SPOCK3: variants seen among roughly 807,000 people sequenced by gnomAD.
SPOCK3 encodes the protein testican-3.
Under a neutral mutation model 56.6 loss-of-function variants are expected in SPOCK3, and 30 were observed. The observed-to-expected ratio is 0.53, with a 90% CI of 0.40 to 0.72. SPOCK3 has a LOEUF of 0.72. SPOCK3 is among the 30% of genes least tolerant of loss of function. The probability of loss-of-function intolerance (pLI) is 0.00; values close to 1 mark genes in which losing one functional copy is unlikely to be tolerated. For missense variants in SPOCK3, 527 were observed against 530.0 expected (o/e 0.99, Z 0.06); for synonymous variants, 196 against 183.3 (o/e 1.07, Z -0.56).
chr4:167,202,985 C>A (rs957293363), intron 2 of SPOCK3, among the ~76,000 whole-genome samples: 1 of 151,572 alleles, frequency 6.6e-6, no homozygotes, highest in Non-Finnish European at 1.5e-5. Context: ...AAATAATAAT[C>A]ATGTTCTTTT....
At chr4:166,775,759 C>G (rs1318877824) in intron 7 of SPOCK3, among the ~76,000 whole-genome samples, 1 of 152,146 alleles carries the variant, frequency 6.6e-6, no homozygotes, top group Admixed American at 6.6e-5. Context: ...TCCTGAATGG[C>G]TGTGGCAATG....
At chr4:166,903,965 T>C (rs1232155614) in intron 5 of SPOCK3, among the ~76,000 whole-genome samples, 2 of 152,030 alleles carry the variant, frequency 1.3e-5, no homozygotes, top group Non-Finnish European at 2.9e-5. Flanking sequence ...TATAGATAGA[T>C]ACAATATATG....
At chr4:167,170,335 C>T (rs754237244) in intron 2 of SPOCK3, among the ~76,000 whole-genome samples, 7 of 152,082 alleles carry the variant, frequency 4.6e-5, no homozygotes, top group African/African-American at 1.5e-4. Context: ...AGCAACTCAA[C>T]TTAAAAGCGC....
chr4:167,195,392 A>G (rs1732843736), intron 2 of SPOCK3, among the ~76,000 whole-genome samples: 1 of 152,146 alleles, frequency 6.6e-6, no homozygotes, highest in South Asian at 2.1e-4. Context: ...GTCACCATGG[A>G]TGTGTTCCCA....
intron 3 of SPOCK3, among the ~76,000 whole-genome samples, chr4:167,025,414 T>G (rs2150170275): frequency 6.6e-6 from 1 of 152,176 alleles, no homozygotes; most frequent in Admixed American, 6.6e-5. Flanking sequence ...ACACTATACC[T>G]GTGGCCTTAA....
chr4:166,747,280 T>C (rs1735758386), intron 8 of SPOCK3, among the ~76,000 whole-genome samples: 4 of 152,152 alleles, frequency 2.6e-5, no homozygotes. Context: ...AAAGAGCTTA[T>C]CCACCATGAT....
chr4:166,764,190 A>C (rs550991595), intron 7 of SPOCK3, among the ~76,000 whole-genome samples: 3 of 151,790 alleles, frequency 2.0e-5, no homozygotes, highest in Admixed American at 6.6e-5. Flanking sequence ...GGGAGAAAAG[A>C]TATCCACTTT....
chr4:166,972,652 T>C lies in SPOCK3; in HGVS notation c.350+27697A>G, dbSNP rs114685611. On this transcript the variant is annotated intron_variant, in intron 4 of 10. Transcript: ENST00000357545. ...ATACTAAAATTTGCCCAGTGGTGAG[T>C]CCACATTGTTTTAAGGATGTTTATT... Among the ~76,000 whole-genome samples the C allele has an allele frequency of 9.1e-3, 1,353 of 149,396 alleles. 20 individuals carry two copies. Among genetic ancestry groups the C allele is most frequent in the African/African-American group, 0.032 (1,265 of 40,070 alleles).
At chr4:166,800,472 C>A (rs954730271) in intron 6 of SPOCK3, among the ~76,000 whole-genome samples, 2 of 151,796 alleles carry the variant, frequency 1.3e-5, no homozygotes, top group African/African-American at 4.8e-5. Flanking sequence ...TGTCAATGCC[C>A]CTGAAGAGCT....
chr4:166,810,896 G>A (rs1743696186), intron 6 of SPOCK3, among the ~76,000 whole-genome samples: 1 of 151,678 alleles, frequency 6.6e-6, no homozygotes. Flanking sequence ...GTTTTTATTT[G>A]TAGAAAGCTG....
chr4:166,820,984 G>A (rs1226094463), intron 6 of SPOCK3, among the ~76,000 whole-genome samples: 1 of 151,874 alleles, frequency 6.6e-6, no homozygotes, highest in Non-Finnish European at 1.5e-5. Context: ...GCACATCAAA[G>A]TCATTATCAA....
At chr4:167,053,247 C>T (rs1490589311) in intron 3 of SPOCK3, among the ~76,000 whole-genome samples, 4 of 152,056 alleles carry the variant, frequency 2.6e-5, no homozygotes, top group Admixed American at 2.6e-4. Context: ...TGCCCCTCCC[C>T]AGACCCTCTA....
intron 3 of SPOCK3, among the ~76,000 whole-genome samples, chr4:167,040,587 G>A (rs17599599): frequency 0.019 from 2,847 of 152,196 alleles, 36 homozygotes; most frequent in Non-Finnish European, 0.031. Context: ...AATGAAATAC[G>A]TTGCTAACAA....
intron 6 of SPOCK3, among the ~76,000 whole-genome samples, chr4:166,808,213 T>G (rs528828304): frequency 6.6e-6 from 1 of 152,108 alleles, no homozygotes; most frequent in Non-Finnish European, 1.5e-5. Context: ...GTTTGCTTGT[T>G]TTTTTCAAAA....
chr4:167,078,444 GA>G (rs1647553780), intron 2 of SPOCK3, among the ~76,000 whole-genome samples: 1 of 150,844 alleles, frequency 6.6e-6, no homozygotes, highest in African/African-American at 2.4e-5. Context: ...TGTCTAAGGT[GA>G]AATAGATAGG....
At chr4:166,901,931 GGAGTGGCCTACGTA>G (rs985659026) in intron 5 of SPOCK3, among the ~76,000 whole-genome samples, 1 of 152,140 alleles carries the variant, frequency 6.6e-6, no homozygotes, top group Admixed American at 6.6e-5. Flanking sequence ...ACCTGTTGAT[GGAGTGGCCTACGTA>G]GAGGAACATT....
intron 3 of SPOCK3, among the ~76,000 whole-genome samples, chr4:167,012,162 G>A (rs540417390): frequency 7.9e-5 from 12 of 151,994 alleles, no homozygotes; most frequent in Middle Eastern, 3.4e-3. Context: ...AAAGAAAGAT[G>A]CATACAAACA....
At chr4:167,099,026 T>G (rs749537182) in intron 2 of SPOCK3, among the ~76,000 whole-genome samples, 29 of 152,028 alleles carry the variant, frequency 1.9e-4, no homozygotes, top group Non-Finnish European at 3.8e-4. Flanking sequence ...TAATCCATCT[T>G]CATATGCTCC....
chr4:166,967,532 C>G (rs772576085), intron 4 of SPOCK3, among the ~76,000 whole-genome samples: 2 of 152,138 alleles, frequency 1.3e-5, no homozygotes, highest in Non-Finnish European at 2.9e-5. Flanking sequence ...CTCCTTTGTT[C>G]TCTCTATTCT....
Sources: allele counts gnomAD v4.1 joint callset (sites outside exome capture counted in the v4.1 genomes callset), GRCh38; gene constraint gnomAD v4.1.1; transcripts MANE v1.5; gene names NCBI Gene and HGNC (gene_info 2026-07-23, HGNC 2026-07-21).